TRPM3: variants seen among roughly 807,000 people sequenced by gnomAD.
TRPM3 encodes the protein long transient receptor potential channel 3.
Under a neutral mutation model 181.2 loss-of-function variants are expected in TRPM3, and 77 were observed. That is an observed-to-expected ratio of 0.42 (90% CI 0.35 to 0.51). The LOEUF is 0.51. Ranked by LOEUF, TRPM3 falls within the 20% of genes least tolerant of loss-of-function variation. The pLI is 0.01. For synonymous variants in TRPM3, 745 were observed against 796.4 expected, an observed-to-expected ratio of 0.94 and a Z score of 1.09; for missense variants, 1,759 against 2,196.7, an observed-to-expected ratio of 0.80 and a Z score of 3.98.
chr9:71,430,884 C>T (rs111926109), intron 1 of TRPM3, among the ~76,000 whole-genome samples: 1 of 152,124 alleles, frequency 6.6e-6, no homozygotes, highest in African/African-American at 2.4e-5. Context: ...ACTCTTCTTT[C>T]GCCCATTGAT....
At chr9:71,165,471 T>C (rs2076495137) in intron 1 of TRPM3, among the ~76,000 whole-genome samples, 2 of 152,042 alleles carry the variant, frequency 1.3e-5, no homozygotes, top group Admixed American at 1.3e-4. Context: ...CACACACACT[T>C]CTAACAGCAT....
At chr9:70,992,304 T>C (rs2097495225) in intron 1 of TRPM3, among the ~76,000 whole-genome samples, 2 of 152,198 alleles carry the variant, frequency 1.3e-5, no homozygotes, top group African/African-American at 4.8e-5. Context: ...GTGTAGGATG[T>C]GGGACTACCT....
intron 8 of TRPM3, among the ~76,000 whole-genome samples, chr9:70,691,499 A>G (rs930901483): frequency 1.8e-4 from 28 of 152,182 alleles, no homozygotes; most frequent in African/African-American, 6.5e-4. Context: ...ACTCAACTCC[A>G]TACTCTCCCA....
chr9:70,548,684 T>C (rs10780946), intron 25 of TRPM3, among the ~76,000 whole-genome samples: 74,208 of 152,178 alleles, frequency 0.49, 18,674 homozygotes, highest in East Asian at 0.82. Context: ...TTCTGGGTGT[T>C]CTTCGGAACA....
At chr9:71,079,793 A>G (rs1483751315) in intron 1 of TRPM3, among the ~76,000 whole-genome samples, 1 of 152,092 alleles carries the variant, frequency 6.6e-6, no homozygotes, top group African/African-American at 2.4e-5. Flanking sequence ...AAAGGCTCCT[A>G]TATCCTGAAA....
intron 1 of TRPM3, among the ~76,000 whole-genome samples, chr9:71,206,170 C>T (rs1319117648): frequency 6.6e-6 from 1 of 152,144 alleles, no homozygotes; most frequent in Non-Finnish European, 1.5e-5. Flanking sequence ...GGAATAGCCA[C>T]ACTGTTTTCT....
At chr9:71,025,595 T>C (rs1383035152) in intron 1 of TRPM3, among the ~76,000 whole-genome samples, 1 of 152,244 alleles carries the variant, frequency 6.6e-6, no homozygotes, top group Non-Finnish European at 1.5e-5. Flanking sequence ...CCATCACTGT[T>C]GGTACAATAT....
intron 1 of TRPM3, among the ~76,000 whole-genome samples, chr9:71,296,594 G>A (rs2086278128): frequency 6.6e-6 from 1 of 152,102 alleles, no homozygotes; most frequent in African/African-American, 2.4e-5. Context: ...GAGGGCAGGA[G>A]GAAACTCTGA....
At chr9:71,030,487 C>T (rs554298725) in intron 1 of TRPM3, among the ~76,000 whole-genome samples, 14 of 151,920 alleles carry the variant, frequency 9.2e-5, no homozygotes, top group African/African-American at 3.1e-4. Flanking sequence ...ATCGCTTGAA[C>T]CCGGGAGGCA....
intron 1 of TRPM3, among the ~76,000 whole-genome samples, chr9:71,180,050 CTTTTTTTTTT>C (rs35877663): frequency 2.0e-5 from 2 of 101,188 alleles, no homozygotes; most frequent in East Asian, 3.4e-4. Flanking sequence ...ATACATCCTT[CTTTTTTTTTT>C]TTTTTTTTTT....
At chr9:71,116,018 C>CT (rs2072294617) in intron 1 of TRPM3, among the ~76,000 whole-genome samples, 1 of 152,180 alleles carries the variant, frequency 6.6e-6, no homozygotes, top group African/African-American at 2.4e-5. Context: ...AAATCTGAGG[C>CT]TGGCAGGCTG....
At chr9:70,676,935 T>C (rs537005113) in intron 9 of TRPM3, among the ~76,000 whole-genome samples, 2 of 149,364 alleles carry the variant, frequency 1.3e-5, no homozygotes, top group East Asian at 4.0e-4. Context: ...CCTAAAGCTA[T>C]TACACTAATC....
chr9:71,208,240 G>C (rs568761562), intron 1 of TRPM3, among the ~76,000 whole-genome samples: 1 of 152,216 alleles, frequency 6.6e-6, no homozygotes, highest in Admixed American at 6.5e-5. Context: ...ACCTTAGCTG[G>C]AACTGATTAC....
At chr9:70,673,014 C>T (rs2063281787) in intron 9 of TRPM3, among the ~76,000 whole-genome samples, 1 of 152,068 alleles carries the variant, frequency 6.6e-6, no homozygotes, top group South Asian at 2.1e-4. Flanking sequence ...TTGTATCTTC[C>T]AAAGCCTAAT....
intron 1 of TRPM3, among the ~76,000 whole-genome samples, chr9:71,362,946 T>C (rs1359821929): frequency 6.6e-6 from 1 of 152,188 alleles, no homozygotes; most frequent in Non-Finnish European, 1.5e-5. Context: ...CTGAAGAATA[T>C]AAAGAGTGAT....
intron 1 of TRPM3, among the ~76,000 whole-genome samples, chr9:70,913,472 G>A (rs898054165): frequency 6.6e-6 from 1 of 152,140 alleles, no homozygotes; most frequent in Middle Eastern, 3.2e-3. Flanking sequence ...TAAACAGAAA[G>A]GAAGGCCATC....
chr9:70,999,934 C>T (rs1164585670), intron 1 of TRPM3, among the ~76,000 whole-genome samples: 2 of 152,114 alleles, frequency 1.3e-5, no homozygotes, highest in Non-Finnish European at 2.9e-5. Context: ...AGCATTCAGG[C>T]TGTTTTTAAA....
chr9:71,370,849 G>A, intron 1 of TRPM3, among the ~76,000 whole-genome samples: 1 of 152,168 alleles, frequency 6.6e-6, no homozygotes, highest in African/African-American at 2.4e-5. Context: ...AGTTTCAAAA[G>A]ACTGGCTGAC....
intron 1 of TRPM3, among the ~76,000 whole-genome samples, chr9:71,209,229 G>A (rs865964974): frequency 2.6e-5 from 4 of 151,940 alleles, no homozygotes; most frequent in African/African-American, 9.7e-5. Context: ...ATTTTTATAA[G>A]CAAAATGATT....
Sources: gnomAD v4.1 joint callset for allele counts (sites outside exome capture counted in the v4.1 genomes callset) on GRCh38, gnomAD v4.1.1 for gene constraint, MANE v1.5 for transcripts, NCBI Gene and HGNC (gene_info 2026-07-23, HGNC 2026-07-21) for gene names.